TRAPPC6A: variants seen among roughly 807,000 people sequenced by gnomAD.
The protein encoded by TRAPPC6A is TRAPP complex subunit 6A.
Under a neutral mutation model 20.8 loss-of-function variants are expected in TRAPPC6A, and 25 were observed. That is an observed-to-expected ratio of 1.20 (90% confidence interval 0.88 to 1.68). The LOEUF (loss-of-function observed/expected upper bound fraction) is 1.68. Ranked by LOEUF, TRAPPC6A falls within the 40% of genes most tolerant of loss-of-function variation. The probability of loss-of-function intolerance (pLI) is 0.00; values close to 1 mark genes in which losing one functional copy is unlikely to be tolerated. For synonymous variants in TRAPPC6A, 96 were observed against 93.3 expected, an observed-to-expected ratio of 1.03 and a Z score of -0.16; for missense variants, 215 against 211.6, an observed-to-expected ratio of 1.02 and a Z score of -0.10.
At chr19:45,168,956 CT>C (rs1273873284) in intron 1 of TRAPPC6A, among the ~76,000 whole-genome samples, 20 of 152,238 alleles carry the variant, frequency 1.3e-4, no homozygotes, top group African/African-American at 4.6e-4. Context: ...TGCCTGGCCC[CT>C]TGCCAGGCCT....
Position 45,164,344 on chromosome 19 carries a change from T to C in TRAPPC6A, c.271-97A>G, listed in dbSNP as rs780688995. 9.1e-5 allele frequency: 73 copies of C among 803,940 alleles called. No homozygotes were observed. The South Asian group carries it at 9.2e-4, about 10-fold the overall frequency. The allele number at this position is 803,940 out of a possible 1,614,324, so 49.8% of individuals were successfully genotyped here. On this transcript the variant is annotated intron_variant, in intron 3 of 5. Coordinates refer to ENST00000585934, the MANE Select transcript of TRAPPC6A (RefSeq NM_001270891.2). ...ACCCAGGTCTTAGATTGGGCTGAGGTTGGGAAGGCCCCCTTCCTGAGAACC... is the reference window on the plus strand; with the variant it reads ...ACCCAGGTCTTAGATTGGGCTGAGGCTGGGAAGGCCCCCTTCCTGAGAACC...
rs773581189 is a variant in TRAPPC6A at position 45,163,171 on chromosome 19, C to T, written c.*21G>A. On this transcript the variant is annotated 3_prime_UTR_variant, in exon 6 of 6. Coordinates refer to ENST00000585934, the MANE Select transcript of TRAPPC6A (RefSeq NM_001270891.2). This position sits in a 1 kb window ranked among gnomAD's most constrained non-coding sequence, Gnocchi z 5.3. The stretch of plus-strand genomic sequence containing the variant: ...GGTGAGGCCAGGGGCAGCAGTGCGG[C>T]TCAGCAGGTGCGAGGCAGGCTTAGG... 4 of 1,613,764 alleles carry T rather than the reference C, an allele frequency of 2.5e-6. No individual in the cohort carries two copies. The highest frequency in any genetic ancestry group is 2.5e-6 in the Non-Finnish European group (3 of 1,179,866).
chr19:45,163,072 G>T lies in TRAPPC6A; in HGVS notation c.*120C>A. 1 of 1,203,646 alleles carries T rather than the reference G, an allele frequency of 8.3e-7. No individual in the cohort carries two copies. The highest frequency in any genetic ancestry group is 1.2e-6 in the Non-Finnish European group (1 of 846,394). The allele number at this position is 1,203,646 out of a possible 1,614,324, so 74.6% of individuals were successfully genotyped here. ...CCTCAATTTGATACCCACTTCCTGA[G>T]CAAATGTGACCCCTAGGGCCTGGGA... On this transcript the variant is annotated 3_prime_UTR_variant, in exon 6 of 6. Transcript: ENST00000585934. The surrounding 1 kb of genome is among the most constrained non-coding windows in gnomAD (Gnocchi z 5.3).
In TRAPPC6A at chr19:45,163,938, G is replaced by A. The variant is rs1300553365; in HGVS notation, c.426C>T (p.Ala142=). ...YTLGIESVVT[A]SVAALPVCKF... is the part of the protein sequence containing the mutation. ...CACAGACGGGCAGGGCTGCCACGGAGGCGGTGACCACGCTCTCAATGCCCA... is the reference window on the plus strand; with the variant it reads ...CACAGACGGGCAGGGCTGCCACGGAAGCGGTGACCACGCTCTCAATGCCCA... Residue 142 remains alanine, a synonymous_variant, in exon 5 of 6, where the codon GCC becomes GCT. Transcript: ENST00000585934. The surrounding 1 kb of genome is among the most constrained non-coding windows in gnomAD (Gnocchi z 5.3). 3.2e-6 allele frequency: 5 copies of A among 1,581,516 alleles called. No individual in the cohort carries two copies. In the South Asian group the frequency reaches 5.8e-5, roughly 18 times the overall value.
rs1382205304 is a variant in TRAPPC6A at position 45,178,202 on chromosome 19, A to T, written c.17T>A (p.Leu6Ter). The T allele has an allele frequency of 2.5e-6, 4 of 1,608,448 alleles. No individual in the cohort carries two copies. Among genetic ancestry groups the T allele is most frequent in the Non-Finnish European group, 3.4e-6 (4 of 1,175,864 alleles). The change falls in exon 1 of 6, where the codon TTG (leucine) becomes TAG (stop). Residue 6 changes from leucine (L) to a stop codon, truncating the protein, a stop_gained. Coordinates refer to ENST00000585934, the MANE Select transcript of TRAPPC6A (RefSeq NM_001270891.2). LOFTEE classifies it high-confidence loss of function. ...CATCTCCGTGTGAAGAAACTCAAACAACACAGTATCCGCCATGCCCCCTCC... is the reference window on the plus strand; with the variant it reads ...CATCTCCGTGTGAAGAAACTCAAACTACACAGTATCCGCCATGCCCCCTCC... MADTV[L>*]FEFLHTEMVA...
chr19:45,163,011 G>A lies in TRAPPC6A; in HGVS notation c.*181C>T, dbSNP rs370342673. 8.3e-5 allele frequency: 51 copies of A among 612,448 alleles called. 1 individual carries two copies. The African/African-American group carries it at 8.9e-4, about 11-fold the overall frequency. 37.9% of individuals were successfully genotyped at this position (612,448 alleles called of 1,614,324 possible). A position where few individuals can be genotyped will look rare whatever the true frequency, so the allele number is the denominator to read the frequency against. On this transcript the variant is annotated 3_prime_UTR_variant, in exon 6 of 6. Coordinates refer to ENST00000585934, the MANE Select transcript of TRAPPC6A (RefSeq NM_001270891.2). The surrounding 1 kb of genome is among the most constrained non-coding windows in gnomAD (Gnocchi z 5.3). ...CGGGAATCCCACCACAGTCCTGACC[G>A]CAGCTGGGACCCCTTTGCCTCCTCT...
At chr19:45,174,984 A>C (rs112042641) in intron 1 of TRAPPC6A, among the ~76,000 whole-genome samples, 1,918 of 143,254 alleles carry the variant, frequency 0.013, 47 homozygotes, top group African/African-American at 0.045. Context: ...AAAAATTGCC[A>C]GGCGCGGTGG....
In TRAPPC6A at chr19:45,163,994, A is replaced by G. The variant is rs887493330; in HGVS notation, c.370T>C (p.Cys124Arg). 2.5e-6 allele frequency: 4 copies of G among 1,575,012 alleles called. No individual in the cohort carries two copies. In the East Asian group the frequency reaches 6.9e-5, roughly 27 times the overall value. Reference sequence around the variant, plus strand: ...TAGAGGGCGCCGCGCAGGAGGCCGCAGGTGAAGGCCAGGAACTGAGGAGGG... The same window carrying G: ...TAGAGGGCGCCGCGCAGGAGGCCGCGGGTGAAGGCCAGGAACTGAGGAGGG... Reference protein sequence around the residue: ...EEAPKFLAFTCGLLRGALYTL... With the variant: ...EEAPKFLAFTRGLLRGALYTL... The change falls in exon 5 of 6, where the codon TGC becomes CGC. Residue 124 changes from cysteine (C) to arginine (R), a missense_variant. Physicochemically the swap from Cys to Arg is radical, Grantham distance 180 (BLOSUM62 -3). Transcript: ENST00000585934. This position sits in a 1 kb window ranked among gnomAD's most constrained non-coding sequence, Gnocchi z 5.3.
chr19:45,176,893 G>A (rs1346174452), intron 1 of TRAPPC6A, among the ~76,000 whole-genome samples: 2 of 152,020 alleles, frequency 1.3e-5, no homozygotes, highest in Non-Finnish European at 2.9e-5. Context: ...AATTGGCCGG[G>A]TGCAGTGGCT....
chr19:45,168,483 G>C (rs1044260552), intron 1 of TRAPPC6A, among the ~76,000 whole-genome samples: 1 of 152,074 alleles, frequency 6.6e-6, no homozygotes, highest in East Asian at 1.9e-4. Context: ...ACTCACACTG[G>C]GCCCACGGAG....
At position 45,164,182 on chromosome 19, in the gene TRAPPC6A, A is replaced by G; in HGVS notation, c.336T>C (p.Tyr112=). The G allele has an allele frequency of 6.2e-7, 1 of 1,609,926 alleles. No homozygotes were observed. Among genetic ancestry groups the G allele is most frequent in the Non-Finnish European group, 8.5e-7 (1 of 1,178,418 alleles). Reference sequence around the variant, plus strand: ...CCCATACCTTGGGTGCTTCCTCCAGATACTGCAGGCCAGAGGCCATCGGGA... The same window carrying G: ...CCCATACCTTGGGTGCTTCCTCCAGGTACTGCAGGCCAGAGGCCATCGGGA... ...LLLPMASGLQ[Y]LEEAPKFLAF... The change falls in exon 4 of 6, where the codon TAT becomes TAC. Residue 112 remains tyrosine (Y), a synonymous_variant. Coordinates refer to ENST00000585934, the MANE Select transcript of TRAPPC6A (RefSeq NM_001270891.2).
rs534696135 is a variant in TRAPPC6A, at chr19:45,164,479, G to A, written c.271-232C>T. 2.0e-5 allele frequency among the ~76,000 whole-genome samples: 3 copies of A among 152,264 alleles called. No individual in the cohort carries two copies. The East Asian group carries it at 5.8e-4, about 29-fold the overall frequency. On this transcript the variant is annotated intron_variant, in intron 3 of 5. Coordinates refer to ENST00000585934, the MANE Select transcript of TRAPPC6A (RefSeq NM_001270891.2). Reference sequence around the variant, plus strand: ...GTGGGTCCTGCCCTCGCCTCCCAGGGTTGTGCAGAAAAGCTGGGGACCCGG... The same window carrying A: ...GTGGGTCCTGCCCTCGCCTCCCAGGATTGTGCAGAAAAGCTGGGGACCCGG...
rs1969306934 is a variant in TRAPPC6A, at chr19:45,173,598, T to A, written c.84+4537A>T. ...GAATCGGGAGGGCTGTCCTGAGGAC[T>A]AAATGCAGTCAACACTGTGCAAGTA... On this transcript the variant is annotated intron_variant, in intron 1 of 5. Coordinates refer to ENST00000585934, the MANE Select transcript of TRAPPC6A (RefSeq NM_001270891.2). This position sits in a 1 kb window ranked among gnomAD's most constrained non-coding sequence, Gnocchi z 4.8. 6.6e-6 allele frequency among the ~76,000 whole-genome samples: 1 copy of A among 152,164 alleles called. No homozygotes were observed. The highest frequency in any genetic ancestry group is 2.1e-4 in the South Asian group (1 of 4,822).
At chr19:45,167,871 C>A (rs565607785) in intron 1 of TRAPPC6A, among the ~76,000 whole-genome samples, 50 of 152,130 alleles carry the variant, frequency 3.3e-4, no homozygotes, top group Non-Finnish European at 5.9e-4. Flanking sequence ...TGGTGGCATG[C>A]ACCCGTGTCC....
In TRAPPC6A at chr19:45,173,797, G is replaced by A. The variant is rs76049126; in HGVS notation, c.84+4338C>T. Among the ~76,000 whole-genome samples the A allele has an allele frequency of 8.4e-3, 1,284 of 152,286 alleles. 24 individuals are homozygous for A. Among genetic ancestry groups the A allele is most frequent in the African/African-American group, 0.028 (1,181 of 41,562 alleles). The stretch of plus-strand genomic sequence containing the variant: ...GGCTCCCCAGGAGGAAGGAGTGAGG[G>A]GAAACGATGCAGTTCTCACCCCTAG... On this transcript the variant is annotated intron_variant, in intron 1 of 5. Coordinates refer to ENST00000585934, the MANE Select transcript of TRAPPC6A (RefSeq NM_001270891.2). This position sits in a 1 kb window ranked among gnomAD's most constrained non-coding sequence, Gnocchi z 4.8.
chr19:45,163,317 G>T lies in TRAPPC6A; in HGVS notation c.449-94C>A. The T allele has an allele frequency of 1.4e-6, 2 of 1,388,326 alleles. No individual in the cohort carries two copies. Among genetic ancestry groups the T allele is most frequent in the Non-Finnish European group, 2.0e-6 (2 of 989,488 alleles). 86.0% of individuals were successfully genotyped at this position (1,388,326 alleles called of 1,614,324 possible). A position where few individuals can be genotyped will look rare whatever the true frequency, so the allele number is the denominator to read the frequency against. On this transcript the variant is annotated intron_variant, in intron 5 of 5. Transcript: ENST00000585934. The surrounding 1 kb of genome is among the most constrained non-coding windows in gnomAD (Gnocchi z 5.3). ...TAGGCGCTCACCCCCGTCCTGCACT[G>T]ACACCCCAGTGGCTAGGTTGGGCTG...
intron 1 of TRAPPC6A, among the ~76,000 whole-genome samples, chr19:45,177,195 A>ACG (rs1969403146): frequency 8.8e-6 from 1 of 113,760 alleles, no homozygotes; most frequent in Admixed American, 9.0e-5. Flanking sequence ...GTGCGCGCAC[A>ACG]CACACACACA....
Position 45,164,183 on chromosome 19 carries a change from T to C in TRAPPC6A, c.335A>G (p.Tyr112Cys), listed in dbSNP as rs1969086080. 3 of 1,609,960 alleles carry C rather than the reference T, an allele frequency of 1.9e-6. No individual in the cohort carries two copies. The Admixed American group carries it at 5.0e-5, about 27-fold the overall frequency. Residue 112 changes from tyrosine (Y) to cysteine (C), a missense_variant, in exon 4 of 6, where the codon TAT becomes TGT. By Grantham distance (194) the Tyr-to-Cys change is radical (BLOSUM62 -2). Coordinates refer to ENST00000585934, the MANE Select transcript of TRAPPC6A (RefSeq NM_001270891.2). ...CCATACCTTGGGTGCTTCCTCCAGA[T>C]ACTGCAGGCCAGAGGCCATCGGGAG... ...LLLPMASGLQ[Y>C]LEEAPKFLAF...
intron 1 of TRAPPC6A, among the ~76,000 whole-genome samples, chr19:45,168,025 CAG>C (rs1471088304): frequency 4.7e-5 from 5 of 106,288 alleles, no homozygotes; most frequent in Non-Finnish European, 8.8e-5. Context: ...TTTTTTGAGA[CAG>C]AGTCTCGCCC....
Sources: allele counts gnomAD v4.1 joint callset (sites outside exome capture counted in the v4.1 genomes callset), GRCh38; gene constraint gnomAD v4.1.1; non-coding constraint Gnocchi (gnomAD v3.1); transcripts MANE v1.5; gene names NCBI Gene and HGNC (gene_info 2026-07-23, HGNC 2026-07-21).